The following CNTN3 variants were observed in gnomAD, a reference collection of about 807,000 sequenced individuals.
CNTN3 encodes contactin-3.
Under a neutral mutation model 119.1 loss-of-function variants are expected in CNTN3, and 60 were observed. The observed-to-expected ratio is 0.50, with a 90% confidence interval of 0.41 to 0.62. The LOEUF (loss-of-function observed/expected upper bound fraction) is 0.62. Ranked by LOEUF, CNTN3 falls within the 20% of genes least tolerant of loss-of-function variation. The probability of loss-of-function intolerance (pLI) is 0.00; values close to 1 mark genes in which losing one functional copy is unlikely to be tolerated. For missense variants in CNTN3, 1,101 were observed against 1,242.4 expected (o/e 0.89, Z 1.71); for synonymous variants, 450 against 438.7 (o/e 1.03, Z -0.32).
intron 11 of CNTN3, among the ~76,000 whole-genome samples, chr3:74,355,696 C>T (rs994773820): frequency 6.6e-6 from 1 of 151,988 alleles, no homozygotes; most frequent in African/African-American, 2.4e-5. Context: ...CTCAAATGAT[C>T]GACGTGCCTC....
intron 2 of CNTN3, 65 bp from the exon 3 acceptor site, chr3:74,499,850 C>T: frequency 6.7e-7 from 1 of 1,483,896 alleles, no homozygotes; most frequent in Middle Eastern, 1.8e-4. Context: ...AGTTACATTC[C>T]AGTATTGAAG....
intron 5 of CNTN3, among the ~76,000 whole-genome samples, chr3:74,422,171 T>C (rs546349464): frequency 6.6e-6 from 1 of 152,288 alleles, no homozygotes; most frequent in Admixed American, 6.5e-5. Flanking sequence ...CATAAGCCAA[T>C]GTGTTAAGAC....
rs1702629894 is a variant in CNTN3 at position 74,309,296 on chromosome 3, G to T, written c.1669-6489C>A. On this transcript the variant is annotated intron_variant, in intron 13 of 22. Transcript: ENST00000263665. ...ATTTTTGTATTTTTAGTAGAGATGGGGTTTCACCATATTGGCCAGGCTGGT... is the reference window on the plus strand; with the variant it reads ...ATTTTTGTATTTTTAGTAGAGATGGTGTTTCACCATATTGGCCAGGCTGGT... Among the ~76,000 whole-genome samples, 2 of 151,930 alleles carry T rather than the reference G, an allele frequency of 1.3e-5. 1 individual carries two copies. The highest frequency in any genetic ancestry group is 4.2e-4 in the South Asian group (2 of 4,814).
intron 13 of CNTN3, among the ~76,000 whole-genome samples, chr3:74,326,752 T>C (rs1703141356): frequency 6.6e-6 from 1 of 152,196 alleles, no homozygotes; most frequent in African/African-American, 2.4e-5. Context: ...TAATATAATT[T>C]TGTCCTCAAA....
intron 5 of CNTN3, among the ~76,000 whole-genome samples, chr3:74,404,550 A>T (rs1285825526): frequency 1.3e-5 from 2 of 152,054 alleles, no homozygotes; most frequent in Non-Finnish European, 2.9e-5. Context: ...TTTTCCTTGT[A>T]GACATCAACA....
chr3:74,595,128 A>G (rs1704780398), intron 1 of CNTN3, among the ~76,000 whole-genome samples: 1 of 151,706 alleles, frequency 6.6e-6, no homozygotes, highest in Admixed American at 6.6e-5. Context: ...TACTTTGCCC[A>G]CTTTTTGATG....
chr3:74,595,619 G>T (rs1704793376), intron 1 of CNTN3, among the ~76,000 whole-genome samples: 1 of 152,188 alleles, frequency 6.6e-6, no homozygotes, highest in Non-Finnish European at 1.5e-5. Context: ...TGCAGAAAAG[G>T]CCTTTGGCAA....
intron 1 of CNTN3, among the ~76,000 whole-genome samples, chr3:74,549,335 G>C (rs1703956944): frequency 6.6e-6 from 1 of 152,118 alleles, no homozygotes; most frequent in African/African-American, 2.4e-5. Flanking sequence ...CCCATAAGCA[G>C]AAGCCTGTAC....
At chr3:74,292,181 A>G (rs1702244406) in intron 19 of CNTN3, among the ~76,000 whole-genome samples, 1 of 152,226 alleles carries the variant, frequency 6.6e-6, no homozygotes, top group Admixed American at 6.5e-5. Flanking sequence ...ATTATTTGCT[A>G]CAGAATATTT....
intron 3 of CNTN3, among the ~76,000 whole-genome samples, chr3:74,487,973 AAT>A (rs1212989983): frequency 3.4e-5 from 5 of 146,570 alleles, no homozygotes; most frequent in South Asian, 4.2e-4. Flanking sequence ...AATACATTAA[AAT>A]ATATAATCAT....
At chr3:74,289,627 TCGGC>T (rs1375738838) in intron 19 of CNTN3, among the ~76,000 whole-genome samples, 2 of 152,218 alleles carry the variant, frequency 1.3e-5, no homozygotes, top group African/African-American at 4.8e-5. Context: ...TAAGTCTCTT[TCGGC>T]CATTTTGACA....
chr3:74,606,216 GGAGGAAGAAGCAGCA>G (rs1011533491), intron 1 of CNTN3, among the ~76,000 whole-genome samples: 1 of 152,010 alleles, frequency 6.6e-6, no homozygotes, highest in African/African-American at 2.4e-5. Flanking sequence ...ATAAAAAGAT[GGAGGAAGAAGCAGCA>G]GAGGAAGAAG....
intron 2 of CNTN3, among the ~76,000 whole-genome samples, chr3:74,508,198 T>C (rs1703299442): frequency 6.6e-6 from 1 of 152,028 alleles, no homozygotes; most frequent in Admixed American, 6.6e-5. Context: ...GATCTGAAGG[T>C]TTTATAAGAG....
chr3:74,276,602 C>T (rs144082129), intron 20 of CNTN3, among the ~76,000 whole-genome samples: 1 of 151,974 alleles, frequency 6.6e-6, no homozygotes, highest in African/African-American at 2.4e-5. Context: ...ACTGACACAA[C>T]CTATCAAAAC....
At chr3:74,289,160 C>T (rs888248980) in intron 19 of CNTN3, among the ~76,000 whole-genome samples, 3 of 152,150 alleles carry the variant, frequency 2.0e-5, no homozygotes, top group African/African-American at 7.2e-5. Flanking sequence ...ATTTTTAAAT[C>T]ATTACTGAAA....
At chr3:74,293,770 T>C (rs962545927) in intron 19 of CNTN3, among the ~76,000 whole-genome samples, 1 of 152,178 alleles carries the variant, frequency 6.6e-6, no homozygotes, top group African/African-American at 2.4e-5. Flanking sequence ...CCACCACACC[T>C]GGCTTATTCT....
chr3:74,553,568 C>A (rs1704025097), intron 1 of CNTN3, among the ~76,000 whole-genome samples: 1 of 152,168 alleles, frequency 6.6e-6, no homozygotes, highest in Non-Finnish European at 1.5e-5. Context: ...TAAAAGCATT[C>A]CATTTTTTCC....
intron 5 of CNTN3, 115 bp from the exon 6 acceptor site, chr3:74,371,514 T>C (rs1234930845): frequency 1.4e-6 from 1 of 710,460 alleles, no homozygotes; most frequent in Non-Finnish European, 2.4e-6. Context: ...CTGAGTGTTT[T>C]TGTTGCAGGC....
intron 5 of CNTN3, among the ~76,000 whole-genome samples, chr3:74,382,327 T>A (rs1704641915): frequency 6.6e-6 from 1 of 152,222 alleles, no homozygotes; most frequent in Admixed American, 6.5e-5. Flanking sequence ...TAAATCAAGT[T>A]AATTAACATA....
Sources: gnomAD v4.1 joint callset for allele counts (sites outside exome capture counted in the v4.1 genomes callset) on GRCh38, gnomAD v4.1.1 for gene constraint, MANE v1.5 for transcripts, NCBI Gene and HGNC (gene_info 2026-07-23, HGNC 2026-07-21) for gene names.